The following AGAP1 variants were observed in gnomAD, a reference collection of about 807,000 sequenced individuals.
The protein encoded by AGAP1 is ArfGAP with GTPase domain, ankyrin repeat and PH domain 1.
Under a neutral mutation model 105.3 loss-of-function variants are expected in AGAP1, and 29 were observed. That is an observed-to-expected ratio of 0.28 (90% CI 0.21 to 0.38). The LOEUF (loss-of-function observed/expected upper bound fraction) is 0.38. AGAP1 is among the 10% of genes least tolerant of loss of function. The pLI is 1.00. For missense variants in AGAP1, 998 were observed against 1,165.1 expected (o/e 0.86, Z 2.09); for synonymous variants, 509 against 485.9 (o/e 1.05, Z -0.63).
chr2:235,570,394 T>A (rs752067002), intron 1 of AGAP1, among the ~76,000 whole-genome samples: 121 of 152,360 alleles, frequency 7.9e-4, no homozygotes, highest in Admixed American at 1.7e-3. Flanking sequence ...CCAAAAGGAA[T>A]GTTAAAGCCA....
rs369860301 is a variant in AGAP1 at position 236,053,051 on chromosome 2, G to T, written c.2114+3770G>T. ...TTCGTAACACCCGGCTTGTGCGTGT[G>T]TGCGGTACCATAACGTAGCGTGTTG... On this transcript the variant is annotated intron_variant, in intron 16 of 17. Coordinates refer to ENST00000304032, the MANE Select transcript of AGAP1 (RefSeq NM_001037131.3). This position sits in a 1 kb window ranked among gnomAD's most constrained non-coding sequence, Gnocchi z 4.6. Among the ~76,000 whole-genome samples, 3 of 152,312 alleles carry T rather than the reference G, an allele frequency of 2.0e-5. No individual in the cohort carries two copies. In the South Asian group the frequency reaches 6.2e-4, roughly 32 times the overall value.
chr2:235,975,315 A>G (rs2054813565), intron 13 of AGAP1, among the ~76,000 whole-genome samples: 1 of 152,156 alleles, frequency 6.6e-6, no homozygotes, highest in Non-Finnish European at 1.5e-5. Context: ...AGAGAAATTA[A>G]AGAATCGTGC....
At chr2:235,572,986 T>C (rs1240583102) in intron 1 of AGAP1, among the ~76,000 whole-genome samples, 35 of 23,300 alleles carry the variant, frequency 1.5e-3, no homozygotes, top group East Asian at 3.4e-3. Flanking sequence ...TTTCTTCTTC[T>C]TCTTCTTCTT....
Position 236,126,542 on chromosome 2 carries a change from A to G in AGAP1, c.*2420A>G, listed in dbSNP as rs1049444276. The G allele has an allele frequency of 3.9e-5, 6 of 152,282 alleles. No homozygotes were observed. The highest frequency in any genetic ancestry group is 1.4e-4 in the African/African-American group (6 of 41,560). 9.4% of individuals were successfully genotyped at this position (152,282 alleles called of 1,614,324 possible). On this transcript the variant is annotated 3_prime_UTR_variant, in exon 18 of 18. Transcript: ENST00000304032. ...TATTATTCTATGTGTTTATAATATA[A>G]TATTTTCCCAAATGACTTCTTGTTT...
intron 16 of AGAP1, chr2:236,049,503 G>A: frequency 2.1e-6 from 1 of 476,580 alleles, no homozygotes; most frequent in East Asian, 3.4e-5. Flanking sequence ...TAGGCCTGGG[G>A]ATTTCTCTCC....
At position 236,130,418 on chromosome 2, in the gene AGAP1, G is replaced by GCT. The variant is rs1559307585; in HGVS notation, c.*6297_*6298insTC. 3 of 152,132 alleles carry GCT rather than the reference G, an allele frequency of 2.0e-5. No homozygotes were observed. 9.4% of individuals were successfully genotyped at this position (152,132 alleles called of 1,614,324 possible). On this transcript the variant is annotated 3_prime_UTR_variant, in exon 18 of 18. Transcript: ENST00000304032. The surrounding 1 kb of genome is among the most constrained non-coding windows in gnomAD (Gnocchi z 5.8). ...AGGTGAAAGAAAGGAACCAAACAAG[G>GCT]CATGAGTGTGTTGGGGAATCTTCCC...
intron 12 of AGAP1, among the ~76,000 whole-genome samples, chr2:235,952,091 G>A (rs1050728872): frequency 6.6e-6 from 1 of 152,162 alleles, no homozygotes; most frequent in African/African-American, 2.4e-5. Context: ...AGTATTCAGT[G>A]CACAGATAAC....
chr2:235,796,150 A>G (rs1014030236), intron 6 of AGAP1, among the ~76,000 whole-genome samples: 1 of 152,236 alleles, frequency 6.6e-6, no homozygotes, highest in Non-Finnish European at 1.5e-5. Context: ...TGTAATTGAT[A>G]ATCAAAGCCC....
chr2:235,974,474 C>G (rs188069455), intron 13 of AGAP1, among the ~76,000 whole-genome samples: 10 of 152,214 alleles, frequency 6.6e-5, no homozygotes, highest in Non-Finnish European at 1.0e-4. Flanking sequence ...TGTTATCCCC[C>G]CCTTGGGTTC....
intron 6 of AGAP1, among the ~76,000 whole-genome samples, chr2:235,759,336 T>C (rs1431517089): frequency 6.6e-6 from 1 of 151,472 alleles, no homozygotes; most frequent in Non-Finnish European, 1.5e-5. Context: ...GCCCGGCTAA[T>C]TTTTTTGTAT....
rs1459289861 is a variant in AGAP1, at chr2:235,494,624, G to T, written c.-63G>T. ...CGGCGCCCCGGGCTCGGCGGCCCGC[G>T]GGCCCCGGGGCGCGGGGCGGCGGCG... On this transcript the variant is annotated 5_prime_UTR_variant, in exon 1 of 18. Coordinates refer to ENST00000304032, the MANE Select transcript of AGAP1 (RefSeq NM_001037131.3). 2.2e-6 allele frequency: 2 copies of T among 921,442 alleles called. No homozygotes were observed. Among genetic ancestry groups the T allele is most frequent in the East Asian group, 1.3e-4 (1 of 7,882 alleles). The allele number at this position is 921,442 out of a possible 1,614,324, so 57.1% of individuals were successfully genotyped here.
At chr2:235,757,786 C>G (rs1285236852) in intron 6 of AGAP1, among the ~76,000 whole-genome samples, 2 of 152,116 alleles carry the variant, frequency 1.3e-5, no homozygotes, top group Admixed American at 1.3e-4. Flanking sequence ...GCAAAGAACC[C>G]CATCTCACAT....
chr2:235,583,192 T>C (rs1029238529), intron 1 of AGAP1, among the ~76,000 whole-genome samples: 2 of 151,874 alleles, frequency 1.3e-5, no homozygotes, highest in African/African-American at 4.8e-5. Context: ...TGTAAGAACC[T>C]GTTTTGTTTG....
intron 16 of AGAP1, among the ~76,000 whole-genome samples, chr2:236,108,208 C>G (rs954602805): frequency 3.9e-5 from 6 of 152,242 alleles, no homozygotes; most frequent in African/African-American, 1.4e-4. Flanking sequence ...AGCGCCCGCT[C>G]GCAGTGGGCC....
chr2:235,686,632 T>TATAG (rs1949426023), intron 1 of AGAP1, among the ~76,000 whole-genome samples: 1 of 50,752 alleles, frequency 2.0e-5, no homozygotes, highest in Non-Finnish European at 3.6e-5. Context: ...TATATATATA[T>TATAG]ATATATATAT....
intron 16 of AGAP1, among the ~76,000 whole-genome samples, chr2:236,097,366 T>C (rs2059216736): frequency 6.7e-6 from 1 of 149,264 alleles, no homozygotes; most frequent in Non-Finnish European, 1.5e-5. Flanking sequence ...TAATATAAAA[T>C]TTGTCATCCT....
chr2:235,724,471 G>A lies in AGAP1; in HGVS notation c.310+6827G>A, dbSNP rs545462392. Among the ~76,000 whole-genome samples, 3 of 152,300 alleles carry A rather than the reference G, an allele frequency of 2.0e-5. No individual in the cohort carries two copies. The highest frequency in any genetic ancestry group is 4.1e-4 in the South Asian group (2 of 4,826). On this transcript the variant is annotated intron_variant, in intron 3 of 17. Coordinates refer to ENST00000304032, the MANE Select transcript of AGAP1 (RefSeq NM_001037131.3). This position sits in a 1 kb window ranked among gnomAD's most constrained non-coding sequence, Gnocchi z 4.9. ...TTCCCGATAGAATATGATAGCTGAG[G>A]TAGCTGGAAGAGTATGGTCAAGGAG...
At chr2:235,848,593 A>G (rs1458472108) in intron 9 of AGAP1, among the ~76,000 whole-genome samples, 1 of 152,208 alleles carries the variant, frequency 6.6e-6, no homozygotes, top group African/African-American at 2.4e-5. Context: ...CTCGAGAATA[A>G]TACTGGTAAT....
At chr2:235,531,992 CTTGT>C (rs1943061240) in intron 1 of AGAP1, among the ~76,000 whole-genome samples, 2 of 152,146 alleles carry the variant, frequency 1.3e-5, no homozygotes, top group East Asian at 1.9e-4. Context: ...CTGGCAGACA[CTTGT>C]TTAAGTTTTA....
Sources: gnomAD v4.1 joint callset for allele counts (sites outside exome capture counted in the v4.1 genomes callset) on GRCh38, gnomAD v4.1.1 for gene constraint, Gnocchi (gnomAD v3.1) non-coding constraint, MANE v1.5 for transcripts, NCBI Gene and HGNC (gene_info 2026-07-23, HGNC 2026-07-21) for gene names.